Variants in FAM163A observed in about 807,000 individuals in gnomAD.
FAM163A encodes the protein family with sequence similarity 163 member A.
FAM163A carries 7 observed loss-of-function variants against 12.0 expected under a neutral mutation model. The observed-to-expected ratio is 0.58, with a 90% CI of 0.33 to 1.10. The LOEUF (loss-of-function observed/expected upper bound fraction) is 1.10, where lower values mean the gene tolerates loss of function less well. Ranked by LOEUF, FAM163A falls within the 50% of genes least tolerant of loss-of-function variation. The pLI, the probability that FAM163A is intolerant of heterozygous loss-of-function variation, is 0.03. For synonymous variants in FAM163A, 101 were observed against 91.0 expected, an observed-to-expected ratio of 1.11 and a Z score of -0.62; for missense variants, 202 against 218.6, an observed-to-expected ratio of 0.92 and a Z score of 0.48.
upstream of FAM163A, among the ~76,000 whole-genome samples, chr1:179,739,691 G>A (rs564828892): frequency 4.6e-5 from 7 of 152,208 alleles, no homozygotes; most frequent in Non-Finnish European, 1.0e-4. Context: ...AAATTCAACA[G>A]TCAAAAAGAC....
the FAM163A span, among the ~76,000 whole-genome samples, chr1:179,730,912 A>T: frequency 1.3e-5 from 2 of 152,236 alleles, no homozygotes; most frequent in African/African-American, 4.8e-5. Context: ...TCTGGTGCCC[A>T]CAGCTAATTG....
In FAM163A at chr1:179,799,465, C is replaced by T. The variant is rs146323348; in HGVS notation, c.-135-8333C>T. 9.3e-3 allele frequency among the ~76,000 whole-genome samples: 1,409 copies of T among 151,600 alleles called. 22 individuals carry two copies. The highest frequency in any genetic ancestry group is 0.032 in the African/African-American group (1,340 of 41,412). ...TGGCATGGAGATGGGCCGCTCGGCA[C>T]GTTCCGTGCATAGCAAGAACGACTC... On this transcript the variant is annotated intron_variant, in intron 1 of 4. Coordinates refer to ENST00000341785, the MANE Select transcript of FAM163A (RefSeq NM_173509.3).
chr1:179,805,075 G>A (rs929848241), intron 1 of FAM163A, among the ~76,000 whole-genome samples: 3 of 152,008 alleles, frequency 2.0e-5, no homozygotes, highest in Non-Finnish European at 2.9e-5. Flanking sequence ...TTCTTCAAAT[G>A]TCCCTTTACT....
chr1:179,793,857 GT>G (rs1357180456), intron 1 of FAM163A, among the ~76,000 whole-genome samples: 5 of 152,246 alleles, frequency 3.3e-5, no homozygotes, highest in African/African-American at 1.2e-4. Context: ...CTGGGTGGCT[GT>G]TGCCGGCCCA....
At chr1:179,777,001 C>A (rs539346869) in intron 1 of FAM163A, among the ~76,000 whole-genome samples, 2 of 152,354 alleles carry the variant, frequency 1.3e-5, no homozygotes, top group South Asian at 4.1e-4. Context: ...TGGCTCTTTT[C>A]ACTTAACCTG....
chr1:179,792,358 G>A (rs1691641972), intron 1 of FAM163A, among the ~76,000 whole-genome samples: 1 of 150,690 alleles, frequency 6.6e-6, no homozygotes, highest in Non-Finnish European at 1.5e-5. Context: ...TGACCAGGCT[G>A]ATCTCAAACT....
upstream of FAM163A, among the ~76,000 whole-genome samples, chr1:179,740,153 G>A (rs556314549): frequency 6.7e-6 from 1 of 148,678 alleles, no homozygotes; most frequent in Admixed American, 6.8e-5. Context: ...ACAAATGTTT[G>A]TGGCAACTTT....
chr1:179,807,656 G>T (rs1033150703), intron 1 of FAM163A, 142 bp from the exon 2 acceptor site: 4 of 152,384 alleles, frequency 2.6e-5, no homozygotes, highest in Non-Finnish European at 5.9e-5. Flanking sequence ...CAAGGCAGCT[G>T]TGGAGGTTTA....
chr1:179,796,813 G>GT (rs1692395592), intron 1 of FAM163A, among the ~76,000 whole-genome samples: 1 of 152,242 alleles, frequency 6.6e-6, no homozygotes, highest in Non-Finnish European at 1.5e-5. Context: ...AACCTACTGT[G>GT]TTTTTCTGTT....
upstream of FAM163A, among the ~76,000 whole-genome samples, chr1:179,743,009 C>T (rs370734136): frequency 7.9e-5 from 12 of 152,236 alleles, no homozygotes; most frequent in East Asian, 7.7e-4. Context: ...CCGTCCTGGA[C>T]CCGATCTGTA....
At chr1:179,811,092 C>G (rs557471576) in intron 2 of FAM163A, among the ~76,000 whole-genome samples, 2 of 151,784 alleles carry the variant, frequency 1.3e-5, no homozygotes, top group African/African-American at 2.4e-5. Context: ...ATCACGTAAG[C>G]GGAAGAAAGG....
intron 1 of FAM163A, among the ~76,000 whole-genome samples, chr1:179,757,469 CT>C (rs1003580975): frequency 2.0e-5 from 3 of 152,194 alleles, no homozygotes; most frequent in African/African-American, 7.2e-5. Context: ...TCATTTACCC[CT>C]GATGGCATCA....
rs1241449589 is a variant in FAM163A at position 179,783,744 on chromosome 1, A to ATATTATATATATATTATATAATT, written c.-135-24021_-135-23999dup. On this transcript the variant is annotated intron_variant, in intron 1 of 4. Coordinates refer to ENST00000341785, the MANE Select transcript of FAM163A (RefSeq NM_173509.3). ...CCAAATTTTATATAATTGAGCCCAA[A>ATATTATATATATATTATATAATT]TATTATATATATATTATATAATTTA... Among the ~76,000 whole-genome samples the ATATTATATATATATTATATAATT allele has an allele frequency of 5.1e-3, 314 of 61,492 alleles. 16 individuals carry two copies. Among genetic ancestry groups the ATATTATATATATATTATATAATT allele is most frequent in the Admixed American group, 0.016 (134 of 8,492 alleles). 40.3% of individuals were successfully genotyped at this position (61,492 alleles called of 152,430 possible).
At chr1:179,749,667 C>T (rs1481406982) in intron 1 of FAM163A, among the ~76,000 whole-genome samples, 1 of 151,312 alleles carries the variant, frequency 6.6e-6, no homozygotes, top group East Asian at 2.0e-4. Flanking sequence ...GTCTGGCCAA[C>T]ATGGTGAAAC....
chr1:179,753,985 G>T (rs1170803040), intron 1 of FAM163A, among the ~76,000 whole-genome samples: 1 of 152,182 alleles, frequency 6.6e-6, no homozygotes, highest in Non-Finnish European at 1.5e-5. Flanking sequence ...TATCTTCACT[G>T]TCGGTGGCTA....
chr1:179,787,731 T>G (rs1690855032), intron 1 of FAM163A, among the ~76,000 whole-genome samples: 1 of 152,130 alleles, frequency 6.6e-6, no homozygotes. Context: ...GGTGGCAGAA[T>G]GGAGAAGGGC....
chr1:179,799,525 G>A (rs142910536), intron 1 of FAM163A, among the ~76,000 whole-genome samples: 3 of 152,342 alleles, frequency 2.0e-5, no homozygotes, highest in Admixed American at 1.3e-4. Context: ...AGGCTGTCCC[G>A]GAAATAGTCA....
rs528184457 is a variant in FAM163A, at chr1:179,783,801, T to C, written c.-135-23997T>C. Reference sequence around the variant, plus strand: ...ATATATTATATAATTTATTATATAATATATAATTCCCAAATATTATATAAT... The same window carrying C: ...ATATATTATATAATTTATTATATAACATATAATTCCCAAATATTATATAAT... On this transcript the variant is annotated intron_variant, in intron 1 of 4. Coordinates refer to ENST00000341785, the MANE Select transcript of FAM163A (RefSeq NM_173509.3). 4.7e-4 allele frequency among the ~76,000 whole-genome samples: 50 copies of C among 105,714 alleles called. 1 individual carries two copies. Among genetic ancestry groups the C allele is most frequent in the African/African-American group, 1.8e-3 (50 of 27,410 alleles). 69.4% of individuals were successfully genotyped at this position (105,714 alleles called of 152,430 possible).
chr1:179,772,316 C>A (rs1028574623), intron 1 of FAM163A, among the ~76,000 whole-genome samples: 9 of 152,226 alleles, frequency 5.9e-5, no homozygotes, highest in African/African-American at 1.7e-4. Context: ...CTCCAACCCT[C>A]ACCCTTGGTT....
Sources: allele counts gnomAD v4.1 joint callset (sites outside exome capture counted in the v4.1 genomes callset), GRCh38; gene constraint gnomAD v4.1.1; transcripts MANE v1.5; gene names NCBI Gene and HGNC (gene_info 2026-07-23, HGNC 2026-07-21).